RDX: variants seen among roughly 807,000 people sequenced by gnomAD.
The protein encoded by RDX is deafness, autosomal recessive 24.
RDX carries 32 observed loss-of-function variants against 83.7 expected under a neutral mutation model. The observed-to-expected ratio is 0.38, with a 90% confidence interval of 0.29 to 0.51. RDX has a LOEUF of 0.51. Ranked by LOEUF, RDX falls within the 20% of genes least tolerant of loss-of-function variation. RDX has a pLI of 0.87. For synonymous variants in RDX, 229 were observed against 222.7 expected, an observed-to-expected ratio of 1.03 and a Z score of -0.25; for missense variants, 600 against 689.9, an observed-to-expected ratio of 0.87 and a Z score of 1.46.
intron 10 of RDX, among the ~76,000 whole-genome samples, chr11:110,240,295 C>A (rs1303256431): frequency 1.3e-5 from 2 of 151,318 alleles, no homozygotes; most frequent in Non-Finnish European, 2.9e-5. Context: ...CACAGAAAGA[C>A]AACTATTGCA....
At chr11:110,202,763 G>A (rs1375260783) in intron 14 of RDX, among the ~76,000 whole-genome samples, 1 of 151,810 alleles carries the variant, frequency 6.6e-6, no homozygotes, top group Non-Finnish European at 1.5e-5. Context: ...ACAAATGGCA[G>A]CAGATATATG....
chr11:110,263,396 C>T (rs1220246661), intron 5 of RDX: 1 of 152,264 alleles, frequency 6.6e-6, no homozygotes, highest in African/African-American at 2.4e-5. Flanking sequence ...ACATCCTTTC[C>T]TCAAGTCCAA....
intron 3 of RDX, among the ~76,000 whole-genome samples, chr11:110,265,710 T>C (rs1860011725): frequency 6.6e-6 from 1 of 152,120 alleles, no homozygotes; most frequent in Non-Finnish European, 1.5e-5. Flanking sequence ...TGATGTTTTT[T>C]CCTCTGCCTA....
chr11:110,278,750 C>T (rs895416881), intron 2 of RDX, among the ~76,000 whole-genome samples: 2 of 151,404 alleles, frequency 1.3e-5, no homozygotes, highest in Non-Finnish European at 2.9e-5. Context: ...GCATACTTTG[C>T]GACCTGCTGA....
intron 15 of RDX, among the ~76,000 whole-genome samples, chr11:110,198,996 G>C (rs1427464409): frequency 6.6e-6 from 1 of 151,864 alleles, no homozygotes; most frequent in Non-Finnish European, 1.5e-5. Flanking sequence ...TGTATTTTTA[G>C]TAGAGACGGG....
intron 10 of RDX, among the ~76,000 whole-genome samples, chr11:110,244,937 C>T (rs1014659426): frequency 1.3e-5 from 2 of 150,802 alleles, no homozygotes; most frequent in African/African-American, 2.4e-5. Context: ...TTGAGAAATA[C>T]GTATATTACT....
At chr11:110,261,794 C>T (rs1320023439) in intron 5 of RDX, among the ~76,000 whole-genome samples, 8 of 152,208 alleles carry the variant, frequency 5.3e-5, no homozygotes, top group Non-Finnish European at 1.2e-4. Context: ...CTATCTAAAG[C>T]ATTTAGCCAC....
At chr11:110,290,502 T>C (rs973001581) in intron 1 of RDX, among the ~76,000 whole-genome samples, 1 of 133,980 alleles carries the variant, frequency 7.5e-6, no homozygotes, top group Non-Finnish European at 1.6e-5. Flanking sequence ...ACAGAGACAG[T>C]CTCAAAAAGA....
At chr11:110,209,475 G>A (rs866568482) in intron 14 of RDX, among the ~76,000 whole-genome samples, 29 of 152,318 alleles carry the variant, frequency 1.9e-4, no homozygotes, top group African/African-American at 6.7e-4. Flanking sequence ...CTCGAACTGG[G>A]TGGAGCCCAC....
intron 14 of RDX, among the ~76,000 whole-genome samples, chr11:110,218,415 A>C (rs1045270748): frequency 6.6e-6 from 1 of 152,134 alleles, no homozygotes; most frequent in Non-Finnish European, 1.5e-5. Context: ...TCTGTCCTAC[A>C]CATCTGTGGG....
At chr11:110,252,264 T>C (rs928504533) in intron 9 of RDX, among the ~76,000 whole-genome samples, 1 of 152,164 alleles carries the variant, frequency 6.6e-6, no homozygotes, top group Non-Finnish European at 1.5e-5. Flanking sequence ...GAAACTTAAG[T>C]CTTCCACTTC....
intron 5 of RDX, 98 bp from the exon 6 acceptor site, chr11:110,258,287 A>G: frequency 1.3e-6 from 1 of 770,066 alleles, no homozygotes; most frequent in Non-Finnish European, 2.1e-6. Flanking sequence ...TGACTGTGGT[A>G]GTTGTCAGAC....
chr11:110,293,807 T>C (rs531929955), intron 1 of RDX, among the ~76,000 whole-genome samples: 7 of 152,312 alleles, frequency 4.6e-5, no homozygotes, highest in African/African-American at 1.4e-4. Flanking sequence ...ACATATAAAC[T>C]CCAGCAGCAT....
rs2134327421 is a variant in RDX at position 110,242,856 on chromosome 11, A to T, written c.1090+4847T>A. On this transcript the variant is annotated intron_variant, in intron 10 of 13. Coordinates refer to ENST00000645495, the MANE Select transcript of RDX (RefSeq NM_002906.4). ...AAACTATGGCTCATGGAGCAAACCC[A>T]ATCCAATGCTTTTTTTTTTTTTTGG... Among the ~76,000 whole-genome samples the T allele has an allele frequency of 2.0e-5, 3 of 151,630 alleles. 1 individual carries two copies. The South Asian group carries it at 6.2e-4, about 32-fold the overall frequency.
rs553473707 is a variant in RDX at position 110,260,822 on chromosome 11, T to C, written c.468-2633A>G. Among the ~76,000 whole-genome samples, 6 of 152,358 alleles carry C rather than the reference T, an allele frequency of 3.9e-5. No homozygotes were observed. The East Asian group carries it at 7.7e-4, about 20-fold the overall frequency. Reference sequence around the variant, plus strand: ...CTCTAGGCTAATAATACTAATACACTATATTATTACTACTATGTAGTATAA... The same window carrying C: ...CTCTAGGCTAATAATACTAATACACCATATTATTACTACTATGTAGTATAA... On this transcript the variant is annotated intron_variant, in intron 5 of 13. Transcript: ENST00000645495.
Position 110,279,735 on chromosome 11 carries a change from C to T in RDX, c.-43G>A, listed in dbSNP as rs1421206419. 1 of 1,305,386 alleles carries T rather than the reference C, an allele frequency of 7.7e-7. No homozygotes were observed. Among genetic ancestry groups the T allele is most frequent in the Non-Finnish European group, 1.1e-6 (1 of 906,774 alleles). The allele number at this position is 1,305,386 out of a possible 1,614,324, so 80.9% of individuals were successfully genotyped here. A position where few individuals can be genotyped will look rare whatever the true frequency, so the allele number is the denominator to read the frequency against. ...TACCTTCTTTAAAAATTCTCCACTT[C>T]AATGAATTCTGTTATCACTTTCTGT... On this transcript the variant is annotated 5_prime_UTR_variant, in exon 2 of 14. Transcript: ENST00000645495.
chr11:110,242,180 C>A (rs1327344402), intron 10 of RDX, among the ~76,000 whole-genome samples: 1 of 152,212 alleles, frequency 6.6e-6, no homozygotes, highest in Middle Eastern at 3.4e-3. Context: ...TGGCCGGGCA[C>A]GGTGGCTCAT....
intron 5 of RDX, 102 bp from the exon 6 acceptor site, chr11:110,258,291 G>T: frequency 1.3e-6 from 1 of 745,158 alleles, no homozygotes; most frequent in Non-Finnish European, 2.2e-6. Context: ...TGTGGTAGTT[G>T]TCAGACAATT....
chr11:110,192,167 T>C (rs1389644928), intron 15 of RDX, among the ~76,000 whole-genome samples: 1 of 152,136 alleles, frequency 6.6e-6, no homozygotes, highest in Non-Finnish European at 1.5e-5. Context: ...CAAAACAGCA[T>C]GATATGAGCA....
Sources: gnomAD v4.1 joint callset for allele counts (sites outside exome capture counted in the v4.1 genomes callset) on GRCh38, gnomAD v4.1.1 for gene constraint, MANE v1.5 for transcripts, NCBI Gene and HGNC (gene_info 2026-07-23, HGNC 2026-07-21) for gene names.